Variants in WWOX observed in about 807,000 individuals in gnomAD.
The protein encoded by WWOX is WW domain-containing oxidoreductase.
In WWOX, 69 loss-of-function variants were observed where a neutral mutation model predicts 46.2. The observed-to-expected ratio is 1.49, with a 90% confidence interval of 1.23 to 1.82. WWOX has a LOEUF of 1.82. WWOX is among the 40% of genes most tolerant of loss of function. The pLI is 0.00. For synonymous variants in WWOX, 359 were observed against 202.6 expected (o/e 1.77, Z -6.56); for missense variants, 919 against 542.6 (o/e 1.69, Z -6.89).
chr16:78,637,758 A>G (rs2046609574), intron 8 of WWOX, among the ~76,000 whole-genome samples: 1 of 152,170 alleles, frequency 6.6e-6, no homozygotes, highest in Non-Finnish European at 1.5e-5. Flanking sequence ...GGCAGCTAAG[A>G]GTGTCAAAAT....
intron 8 of WWOX, among the ~76,000 whole-genome samples, chr16:79,180,344 G>A (rs1166708447): frequency 6.6e-6 from 1 of 152,204 alleles, no homozygotes; most frequent in East Asian, 1.9e-4. Flanking sequence ...TGTACTGAAT[G>A]GATCAATAGT....
At chr16:78,671,009 G>A (rs938943626) in intron 8 of WWOX, among the ~76,000 whole-genome samples, 9 of 152,144 alleles carry the variant, frequency 5.9e-5, no homozygotes, top group Admixed American at 5.9e-4. Context: ...TGCCAAGGCT[G>A]TGGCTACACC....
chr16:79,074,373 A>C (rs543019801), intron 8 of WWOX, among the ~76,000 whole-genome samples: 92 of 146,730 alleles, frequency 6.3e-4, no homozygotes, highest in South Asian at 2.4e-3. Flanking sequence ...TTGTCACTCA[A>C]AGCCGAATCT....
intron 8 of WWOX, among the ~76,000 whole-genome samples, chr16:79,196,982 A>C (rs1476750511): frequency 1.3e-5 from 2 of 152,128 alleles, no homozygotes; most frequent in African/African-American, 4.8e-5. Context: ...CTACCTGCAG[A>C]GGTGCTGCAG....
intron 8 of WWOX, among the ~76,000 whole-genome samples, chr16:78,722,720 T>C (rs1383392490): frequency 7.3e-6 from 1 of 137,318 alleles, no homozygotes; most frequent in African/African-American, 2.7e-5. Flanking sequence ...TTTTTTTTTT[T>C]TCCTCTAAAT....
At chr16:78,357,855 C>G (rs966057748) in intron 5 of WWOX, among the ~76,000 whole-genome samples, 1 of 152,236 alleles carries the variant, frequency 6.6e-6, no homozygotes, top group South Asian at 2.1e-4. Flanking sequence ...AATAGCTAAC[C>G]AGTAGCAGAG....
chr16:78,797,084 C>G (rs949294599), intron 8 of WWOX, among the ~76,000 whole-genome samples: 1 of 152,058 alleles, frequency 6.6e-6, no homozygotes, highest in Non-Finnish European at 1.5e-5. Context: ...CCTCAGCCTC[C>G]TAAAGTGTTG....
chr16:78,744,983 C>A (rs1476804908), intron 8 of WWOX, among the ~76,000 whole-genome samples: 1 of 152,182 alleles, frequency 6.6e-6, no homozygotes, highest in Non-Finnish European at 1.5e-5. Flanking sequence ...CATCATGACT[C>A]CTGGCTTCCC....
At chr16:78,204,646 C>G (rs1042531513) in intron 5 of WWOX, among the ~76,000 whole-genome samples, 5 of 152,108 alleles carry the variant, frequency 3.3e-5, no homozygotes, top group Admixed American at 6.5e-5. Context: ...CCAAGAAACA[C>G]AATCTTAGAT....
intron 5 of WWOX, among the ~76,000 whole-genome samples, chr16:78,326,971 C>G (rs1468772490): frequency 1.3e-5 from 2 of 152,100 alleles, no homozygotes; most frequent in African/African-American, 4.8e-5. Context: ...GCTGCTTTTT[C>G]TGAAGTTCCC....
At chr16:78,878,245 G>C (rs942966026) in intron 8 of WWOX, among the ~76,000 whole-genome samples, 3 of 152,184 alleles carry the variant, frequency 2.0e-5, no homozygotes, top group African/African-American at 7.2e-5. Flanking sequence ...ACATTGGGCA[G>C]ATGACTGAGC....
At chr16:78,397,805 G>T (rs1174928324) in intron 6 of WWOX, among the ~76,000 whole-genome samples, 1 of 152,160 alleles carries the variant, frequency 6.6e-6, no homozygotes, top group Admixed American at 6.5e-5. Flanking sequence ...GATTATAGGC[G>T]TGAGCCACCG....
intron 5 of WWOX, among the ~76,000 whole-genome samples, chr16:78,328,347 T>C (rs2080677552): frequency 2.0e-5 from 3 of 152,236 alleles, no homozygotes. Flanking sequence ...TCACTAGGGA[T>C]ATTTCATAGC....
intron 8 of WWOX, among the ~76,000 whole-genome samples, chr16:78,842,467 TAC>T (rs1159808727): frequency 1.3e-5 from 2 of 151,652 alleles, no homozygotes; most frequent in East Asian, 3.9e-4. Context: ...CACGCTACTT[TAC>T]TTCAACCTGG....
chr16:78,697,378 C>T (rs1325723833), intron 8 of WWOX, among the ~76,000 whole-genome samples: 2 of 151,994 alleles, frequency 1.3e-5, no homozygotes, highest in African/African-American at 2.4e-5. Context: ...AAGATGGTAT[C>T]GCAAATGCAA....
At chr16:79,116,614 C>A (rs1007558217) in intron 8 of WWOX, among the ~76,000 whole-genome samples, 1 of 152,142 alleles carries the variant, frequency 6.6e-6, no homozygotes, top group Non-Finnish European at 1.5e-5. Flanking sequence ...ACTTCTAACT[C>A]GAGTTCTCTT....
At chr16:78,635,863 T>C (rs1033499579) in intron 8 of WWOX, among the ~76,000 whole-genome samples, 1 of 152,122 alleles carries the variant, frequency 6.6e-6, no homozygotes. Flanking sequence ...TTGGTGGCCA[T>C]TGGAGGGGAA....
intron 8 of WWOX, among the ~76,000 whole-genome samples, chr16:78,668,315 C>T (rs1040502146): frequency 2.0e-5 from 3 of 152,098 alleles, no homozygotes; most frequent in Non-Finnish European, 1.5e-5. Context: ...ACTTAACTCT[C>T]ATACCCCCAC....
intron 6 of WWOX, among the ~76,000 whole-genome samples, chr16:78,406,105 C>G (rs751775230): frequency 1.3e-5 from 2 of 151,570 alleles, no homozygotes; most frequent in Non-Finnish European, 2.9e-5. Context: ...AGATGCCCTT[C>G]GTATTGTGTA....
Sources: gnomAD v4.1 joint callset for allele counts (sites outside exome capture counted in the v4.1 genomes callset) on GRCh38, gnomAD v4.1.1 for gene constraint, MANE v1.5 for transcripts, NCBI Gene and HGNC (gene_info 2026-07-23, HGNC 2026-07-21) for gene names.